The following KANSL1 variants were observed in gnomAD, a reference collection of about 807,000 sequenced individuals.
KANSL1 encodes the protein MLL1/MLL complex subunit KANSL1.
KANSL1 carries 22 observed loss-of-function variants against 103.6 expected under a neutral mutation model. That is an observed-to-expected ratio of 0.21 (90% CI 0.15 to 0.30). The LOEUF is 0.30. Among genes scored for constraint, KANSL1 ranks in the 10% least tolerant of loss-of-function variants. The pLI is 1.00. For synonymous variants in KANSL1, 600 were observed against 527.6 expected (o/e 1.14, Z -1.88); for missense variants, 1,337 against 1,399.8 (o/e 0.96, Z 0.72).
chr17:46,153,121 A>AT (rs911562904), intron 2 of KANSL1, among the ~76,000 whole-genome samples: 27 of 152,116 alleles, frequency 1.8e-4, no homozygotes, highest in African/African-American at 3.6e-4. Flanking sequence ...TATCACAAGG[A>AT]TTTTTTTTTA....
chr17:46,172,123 A>G lies in KANSL1; in HGVS notation c.21T>C (p.Ala7=). The change falls in exon 2 of 15, where the codon GCT becomes GCC. Residue 7 remains alanine (A), a synonymous_variant. Transcript: ENST00000432791. ...GTGCTTCAGCTGCTGCGTCAGTGAG[A>G]GCGGGCGCCATCGCAGCCATTCAGC... is the stretch of plus-strand genomic sequence containing the variant. MAAMAP[A]LTDAAAEAHH... is the part of the protein sequence containing the mutation. 6.2e-7 allele frequency: 1 copy of G among 1,607,358 alleles called. No individual in the cohort carries two copies. Among genetic ancestry groups the G allele is most frequent in the Non-Finnish European group, 8.5e-7 (1 of 1,180,018 alleles).
intron 6 of KANSL1, among the ~76,000 whole-genome samples, chr17:46,063,927 TTC>T (rs909611388): frequency 1.3e-5 from 2 of 148,760 alleles, no homozygotes; most frequent in African/African-American, 4.9e-5. Context: ...TGTAAAAGCA[TTC>T]TGTGTTAAAT....
chr17:46,223,122 A>G (rs1285311279), intron 1 of KANSL1: 3 of 149,748 alleles, frequency 2.0e-5, no homozygotes, highest in Non-Finnish European at 4.4e-5. Flanking sequence ...AAATAGTATG[A>G]AATGTCACAC....
At chr17:46,190,973 T>C (rs1017958269) in intron 1 of KANSL1, among the ~76,000 whole-genome samples, 6 of 152,218 alleles carry the variant, frequency 3.9e-5, no homozygotes, top group East Asian at 1.9e-4. Context: ...GTCCAAACCA[T>C]TGACAATGTA....
chr17:46,178,625 G>C (rs2046640774), intron 1 of KANSL1, among the ~76,000 whole-genome samples: 1 of 152,248 alleles, frequency 6.6e-6, no homozygotes, highest in Non-Finnish European at 1.5e-5. Context: ...GGTTGGGCTA[G>C]ATAATCAATA....
intron 2 of KANSL1, among the ~76,000 whole-genome samples, chr17:46,113,009 C>A (rs1431488950): frequency 6.6e-6 from 1 of 152,152 alleles, no homozygotes. Flanking sequence ...GCGTGAGCCA[C>A]CAGGCCCGGC....
At chr17:46,089,031 G>C (rs2079273583) in intron 3 of KANSL1, among the ~76,000 whole-genome samples, 1 of 152,228 alleles carries the variant, frequency 6.6e-6, no homozygotes, top group Non-Finnish European at 1.5e-5. Flanking sequence ...AAAAAGTCCT[G>C]AGTTTAAATT....
At chr17:46,075,481 C>T (rs1027221020) in intron 4 of KANSL1, among the ~76,000 whole-genome samples, 35 of 133,472 alleles carry the variant, frequency 2.6e-4, no homozygotes, top group African/African-American at 8.0e-4. Context: ...GGATTACAGG[C>T]GCACACCACC....
At chr17:46,033,214 G>C (rs537598374) in intron 12 of KANSL1, 22 bp from the exon 13 acceptor site, 7 of 1,555,050 alleles carry the variant, frequency 4.5e-6, no homozygotes, top group Non-Finnish European at 5.3e-6. Flanking sequence ...CAGCTTCATC[G>C]ATCCCCTCTT....
chr17:46,039,790 A>C lies in KANSL1; in HGVS notation c.2115T>G (p.Leu705=), dbSNP rs769484238. Residue 705 remains leucine, a synonymous_variant, in exon 8 of 15, where the codon CTT becomes CTG. Transcript: ENST00000432791. ...DKIKPPKKLS[L]KHRAPMPGSL... is the part of the protein sequence containing the mutation. ...TGCCCGGCATGGGTGCTCTGTGCTT[A>C]AGCGATAACTTTTTGGGAGGTTTGA... is the stretch of plus-strand genomic sequence containing the variant. 1.2e-6 allele frequency: 2 copies of C among 1,614,220 alleles called. No homozygotes were observed. Among genetic ancestry groups the C allele is most frequent in the Non-Finnish European group, 1.7e-6 (2 of 1,180,040 alleles).
At chr17:46,082,011 T>C (rs769277723) in intron 4 of KANSL1, among the ~76,000 whole-genome samples, 3 of 152,236 alleles carry the variant, frequency 2.0e-5, no homozygotes, top group Non-Finnish European at 4.4e-5. Flanking sequence ...ATGCTCATTA[T>C]AGAATAACAG....
At chr17:46,213,855 T>C (rs1214033557) in intron 1 of KANSL1, among the ~76,000 whole-genome samples, 2 of 151,480 alleles carry the variant, frequency 1.3e-5, no homozygotes, top group African/African-American at 2.4e-5. Context: ...GAGGTGGAGG[T>C]TGCAGTGAGC....
Position 46,067,572 on chromosome 17 carries a change from T to A in KANSL1, c.1629A>T (p.Arg543Ser), listed in dbSNP as rs1375084760. 3.1e-6 allele frequency: 5 copies of A among 1,599,734 alleles called. No individual in the cohort carries two copies. Among genetic ancestry groups the A allele is most frequent in the African/African-American group, 1.3e-5 (1 of 74,610 alleles). The change falls in exon 5 of 15, where the codon AGA becomes AGT. Residue 543 changes from arginine to serine, a missense_variant. By Grantham distance (110) the Arg-to-Ser change is moderately radical. This residue lies in a region of KANSL1 where 780 missense variants were observed against 923.4 expected (regional missense o/e 0.84). Transcript: ENST00000432791. ...SLSTKSCGAL[R>S]PVNGVINTLQ... ...ACGTGTTAATAACTCCATTGACAGGTCTGAGTGCTCCACATGATTTGGTAG... is the reference window on the plus strand; with the variant it reads ...ACGTGTTAATAACTCCATTGACAGGACTGAGTGCTCCACATGATTTGGTAG...
chr17:46,158,571 C>T (rs1219191147), intron 2 of KANSL1, among the ~76,000 whole-genome samples: 5 of 152,066 alleles, frequency 3.3e-5, no homozygotes, highest in Admixed American at 6.5e-5. Flanking sequence ...GACTGAGTCT[C>T]GCTCTATCGC....
intron 6 of KANSL1, among the ~76,000 whole-genome samples, chr17:46,059,077 A>G (rs2078052527): frequency 6.6e-6 from 1 of 151,828 alleles, no homozygotes; most frequent in Non-Finnish European, 1.5e-5. Context: ...AAAGAAAAAA[A>G]AAAGAGCAGA....
At chr17:46,136,866 T>G (rs2044171097) in intron 2 of KANSL1, among the ~76,000 whole-genome samples, 1 of 152,240 alleles carries the variant, frequency 6.6e-6, no homozygotes, top group East Asian at 1.9e-4. Flanking sequence ...AAAATAGTAT[T>G]TCCTGGAATG....
At chr17:46,160,462 G>T (rs1357707906) in intron 2 of KANSL1, among the ~76,000 whole-genome samples, 1 of 152,074 alleles carries the variant, frequency 6.6e-6, no homozygotes, top group Non-Finnish European at 1.5e-5. Flanking sequence ...ACCACGCCTG[G>T]CTACTTTTTT....
chr17:46,159,170 ACC>A (rs1332754461), intron 2 of KANSL1, among the ~76,000 whole-genome samples: 1 of 152,128 alleles, frequency 6.6e-6, no homozygotes, highest in Non-Finnish European at 1.5e-5. Context: ...TGCTCACTAT[ACC>A]TCAGCAAAGC....
Position 46,146,084 on chromosome 17 carries a change from C to T in KANSL1, c.1289+24771G>A, listed in dbSNP as rs570255020. 5.0e-4 allele frequency among the ~76,000 whole-genome samples: 76 copies of T among 152,330 alleles called. 1 individual carries two copies. The highest frequency in any genetic ancestry group is 1.8e-3 in the African/African-American group (74 of 41,558). ...ATTCTTTTGTTCTCTACTCTAGCAG[C>T]TAAAGACATCTCCTAAAGAAACAAC... On this transcript the variant is annotated intron_variant, in intron 2 of 14. Coordinates refer to ENST00000432791, the MANE Select transcript of KANSL1 (RefSeq NM_015443.4).
Sources: allele counts gnomAD v4.1 joint callset (sites outside exome capture counted in the v4.1 genomes callset), GRCh38; gene constraint gnomAD v4.1.1; regional missense constraint gnomAD v4.1.1; transcripts MANE v1.5; gene names NCBI Gene and HGNC (gene_info 2026-07-23, HGNC 2026-07-21).